Variants in GALNT12 observed in about 807,000 individuals in gnomAD.
The protein encoded by GALNT12 is UDP-GalNAc:polypeptide N-acetylgalactosaminyltransferase 12.
Under a neutral mutation model 55.5 loss-of-function variants are expected in GALNT12, and 45 were observed. The observed-to-expected ratio is 0.81, with a 90% CI of 0.64 to 1.04. The LOEUF is 1.04. Ranked by LOEUF, GALNT12 falls within the 50% of genes least tolerant of loss-of-function variation. The pLI is 0.00. For synonymous variants in GALNT12, 304 were observed against 312.2 expected (o/e 0.97, Z 0.28); for missense variants, 709 against 754.8 (o/e 0.94, Z 0.71).
chr9:98,837,231 C>A lies in GALNT12; in HGVS notation c.1212+83C>A, dbSNP rs958795971. 29 of 1,325,068 alleles carry A rather than the reference C, an allele frequency of 2.2e-5. No individual in the cohort carries two copies. The African/African-American group carries it at 3.5e-4, about 16-fold the overall frequency. The allele number at this position is 1,325,068 out of a possible 1,614,324, so 82.1% of individuals were successfully genotyped here. A position where few individuals can be genotyped will look rare whatever the true frequency, so the allele number is the denominator to read the frequency against. ...TCGTGGCTTCCCCAACATAGTCGAT[C>A]TGGTTCCAGAAATAGAGAATAAATT... On this transcript the variant is annotated intron_variant, in intron 6 of 9. Coordinates refer to ENST00000375011, the MANE Select transcript of GALNT12 (RefSeq NM_024642.5).
chr9:98,844,311 A>T (rs1410068836), intron 8 of GALNT12, 102 bp downstream of exon 8: 9 of 821,400 alleles, frequency 1.1e-5, no homozygotes, highest in Non-Finnish European at 1.9e-5. Flanking sequence ...AAATATAAAA[A>T]GTAGAAGCCT....
intron 2 of GALNT12, among the ~76,000 whole-genome samples, chr9:98,824,163 A>T (rs1005997753): frequency 6.6e-6 from 1 of 152,198 alleles, no homozygotes; most frequent in Non-Finnish European, 1.5e-5. Context: ...AGGTGTGTGC[A>T]TTGGGCTGTT....
intron 9 of GALNT12, chr9:98,847,351 T>C (rs1437751603): frequency 1.3e-5 from 2 of 152,130 alleles, no homozygotes; most frequent in South Asian, 2.1e-4. Context: ...CACCATGGTG[T>C]TACCTATTGA....
intron 4 of GALNT12, among the ~76,000 whole-genome samples, 159 bp from the exon 5 acceptor site, chr9:98,835,090 G>A (rs900772918): frequency 6.6e-6 from 1 of 152,142 alleles, no homozygotes; most frequent in African/African-American, 2.4e-5. Context: ...GTACATCTAT[G>A]CCTCCAGGCC....
At position 98,826,206 on chromosome 9, in the gene GALNT12, G is replaced by C. The variant is rs531573656; in HGVS notation, c.542-546G>C. Among the ~76,000 whole-genome samples, 116 of 152,246 alleles carry C rather than the reference G, an allele frequency of 7.6e-4. 1 individual carries two copies. Among genetic ancestry groups the C allele is most frequent in the African/African-American group, 2.7e-3 (111 of 41,538 alleles). On this transcript the variant is annotated intron_variant, in intron 2 of 9. Coordinates refer to ENST00000375011, the MANE Select transcript of GALNT12 (RefSeq NM_024642.5). ...GATAATACTATCACCTGCCTCAGAG[G>C]ATTGTTATGAGGATCAGATAGGTTA...
Position 98,826,818 on chromosome 9 carries a change from A to G in GALNT12, c.608A>G (p.Asn203Ser), listed in dbSNP as rs375844934. 132 of 1,612,202 alleles carry G rather than the reference A, an allele frequency of 8.2e-5. No individual in the cohort carries two copies. The highest frequency in any genetic ancestry group is 2.7e-4 in the East Asian group (12 of 44,858). Reference protein sequence around the residue: ...GLPKVRLIRANKREGLVRARL... With the variant: ...GLPKVRLIRASKREGLVRARL... ...CCCAAGGTGCGCCTGATCCGCGCCA[A>G]CAAGAGAGAGGGCCTGGTGCGAGCC... is the stretch of plus-strand genomic sequence containing the variant. The change falls in exon 3 of 10, where the codon AAC becomes AGC. Residue 203 changes from asparagine (N) to serine (S), a missense_variant. Transcript: ENST00000375011.
intron 1 of GALNT12, among the ~76,000 whole-genome samples, chr9:98,816,495 C>G (rs901493379): frequency 1.3e-5 from 2 of 152,064 alleles, no homozygotes; most frequent in African/African-American, 4.8e-5. Flanking sequence ...TTGAATGCAC[C>G]TCACTTTGAA....
intron 1 of GALNT12, among the ~76,000 whole-genome samples, chr9:98,820,484 T>C (rs1420981818): frequency 6.6e-6 from 1 of 152,256 alleles, no homozygotes; most frequent in East Asian, 1.9e-4. Context: ...ACATTTTCTT[T>C]ATCCAGTCTA....
intron 3 of GALNT12, among the ~76,000 whole-genome samples, 186 bp downstream of exon 3, chr9:98,827,127 C>T (rs902228626): frequency 1.3e-5 from 2 of 152,212 alleles, no homozygotes. Flanking sequence ...TAGTGCATGG[C>T]AAGTGCCTGG....
Position 98,823,341 on chromosome 9 carries a change from CT to C in GALNT12, c.459del (p.Arg154GlyfsTer15). The stretch of plus-strand genomic sequence containing the variant: ...TTATAATGAAGCCTGGTCAACTCTC[CT>C]TCGGACAGTTTACAGTGTCCTTGAG... ...AFYNEAWSTL[L>X]RTVYSVLETS... On this transcript the variant is annotated frameshift_variant, in exon 2 of 10. Transcript: ENST00000375011. LOFTEE classifies it high-confidence loss of function. 6.2e-7 allele frequency: 1 copy of C among 1,613,940 alleles called. No individual in the cohort carries two copies. Among genetic ancestry groups the C allele is most frequent in the Non-Finnish European group, 8.5e-7 (1 of 1,179,766 alleles).
intron 1 of GALNT12, among the ~76,000 whole-genome samples, chr9:98,816,389 GA>G (rs11423472): frequency 2.3e-3 from 305 of 130,956 alleles, no homozygotes; most frequent in East Asian, 0.017. Flanking sequence ...ATTAAAAAAA[GA>G]AAAAAAAAAA....
Position 98,840,044 on chromosome 9 carries a change from A to G in GALNT12, c.1255A>G (p.Lys419Glu). The G allele has an allele frequency of 1.2e-6, 2 of 1,614,192 alleles. No individual in the cohort carries two copies. Among genetic ancestry groups the G allele is most frequent in the Non-Finnish European group, 1.7e-6 (2 of 1,180,026 alleles). ...DVTERKQLRDKLQCKDFKWFL... is the reference protein window; with the variant it reads ...DVTERKQLRDELQCKDFKWFL... ...GACAGAGAGGAAGCAGCTCCGGGAC[A>G]AGCTCCAGTGTAAAGACTTCAAGTG... Residue 419 changes from lysine to glutamate, a missense_variant, in exon 7 of 10, where the codon AAG becomes GAG. Around this residue, in one of 5 missense-constraint regions of GALNT12, gnomAD observed 262 missense variants for 310.7 expected, o/e 0.84. Transcript: ENST00000375011.
intron 8 of GALNT12, among the ~76,000 whole-genome samples, chr9:98,845,626 AG>A (rs1413616918): frequency 6.6e-6 from 1 of 152,110 alleles, no homozygotes; most frequent in Non-Finnish European, 1.5e-5. Context: ...GGTCACAGAG[AG>A]CCCCCAAGAG....
chr9:98,817,465 T>G (rs1441299701), intron 1 of GALNT12, among the ~76,000 whole-genome samples: 5 of 152,132 alleles, frequency 3.3e-5, no homozygotes, highest in Admixed American at 3.3e-4. Flanking sequence ...TTTTTTGTTT[T>G]GTTTTGTTTG....
intron 7 of GALNT12, among the ~76,000 whole-genome samples, chr9:98,842,177 T>C (rs1836306661): frequency 6.6e-6 from 1 of 151,686 alleles, no homozygotes; most frequent in Non-Finnish European, 1.5e-5. Context: ...AATCAATTCA[T>C]CTTTTCTTCT....
intron 4 of GALNT12, among the ~76,000 whole-genome samples, chr9:98,834,986 A>T (rs10819370): frequency 7.2e-5 from 11 of 152,112 alleles, no homozygotes; most frequent in Middle Eastern, 3.4e-3. Flanking sequence ...GTGTTCTCCC[A>T]GGGCCCTGGC....
chr9:98,842,794 T>G (rs1022552018), intron 7 of GALNT12, among the ~76,000 whole-genome samples: 1 of 149,242 alleles, frequency 6.7e-6, no homozygotes, highest in African/African-American at 2.5e-5. Context: ...CTTAAATTTT[T>G]TTAGTAACCA....
chr9:98,816,575 G>A (rs979712739), intron 1 of GALNT12, among the ~76,000 whole-genome samples: 4 of 151,788 alleles, frequency 2.6e-5, no homozygotes, highest in African/African-American at 9.7e-5. Flanking sequence ...CAAAGTTTTA[G>A]CAGCATCTTA....
intron 3 of GALNT12, among the ~76,000 whole-genome samples, chr9:98,829,519 T>A (rs10987881): frequency 0.11 from 15,892 of 147,196 alleles, 958 homozygotes; most frequent in East Asian, 0.23. Context: ...TTAAATTATT[T>A]TTTTTTTTTA....
Sources: allele counts gnomAD v4.1 joint callset (sites outside exome capture counted in the v4.1 genomes callset), GRCh38; gene constraint gnomAD v4.1.1; regional missense constraint gnomAD v4.1.1; transcripts MANE v1.5; gene names NCBI Gene and HGNC (gene_info 2026-07-23, HGNC 2026-07-21).